NHS: variants seen among roughly 807,000 people sequenced by gnomAD.
NHS encodes the protein NHS actin remodeling regulator.
In NHS, 5 loss-of-function variants were observed where a neutral mutation model predicts 72.5. That is an observed-to-expected ratio of 0.07 (90% CI 0.04 to 0.14). The LOEUF (loss-of-function observed/expected upper bound fraction) is 0.14. Ranked by LOEUF, NHS falls within the 10% of genes least tolerant of loss-of-function variation. The pLI, the probability that NHS is intolerant of heterozygous loss-of-function variation, is 1.00. For synonymous variants in NHS, 464 were observed against 547.7 expected, an observed-to-expected ratio of 0.85 and a Z score of 2.13; for missense variants, 1,072 against 1,355.7, an observed-to-expected ratio of 0.79 and a Z score of 3.29.
chrX:17,701,547 C>T (rs898728762), intron 3 of NHS, among the ~76,000 whole-genome samples: 1 of 111,443 alleles, frequency 9.0e-6, no homozygotes, highest in African/African-American at 3.3e-5. Context: ...AATAAATTGG[C>T]ACTTCACCCA....
intron 1 of NHS, among the ~76,000 whole-genome samples, chrX:17,637,006 T>C (rs1176051594): frequency 8.9e-6 from 1 of 112,016 alleles, no homozygotes; most frequent in Non-Finnish European, 1.9e-5. Flanking sequence ...TCAGAATCTC[T>C]GGGAGTGGGT....
intron 1 of NHS, among the ~76,000 whole-genome samples, chrX:17,663,265 T>C (rs957876820): frequency 9.0e-6 from 1 of 111,640 alleles, no homozygotes; most frequent in African/African-American, 3.3e-5. Context: ...TACAGTTGAG[T>C]TATGCATAAG....
intron 1 of NHS, among the ~76,000 whole-genome samples, chrX:17,376,682 C>T (rs766819196): frequency 8.9e-6 from 1 of 112,575 alleles, no homozygotes; most frequent in African/African-American, 3.2e-5. Context: ...ACGTCCTTCA[C>T]GGGGCGTAGG....
At chrX:17,600,738 G>T (rs1391710209) in intron 1 of NHS, among the ~76,000 whole-genome samples, 1 of 110,907 alleles carries the variant, frequency 9.0e-6, no homozygotes, top group Non-Finnish European at 1.9e-5. Context: ...ATGGTGAGTG[G>T]GGGAGGGAGG....
chrX:17,514,200 A>T (rs1183980192), intron 1 of NHS, among the ~76,000 whole-genome samples: 1 of 112,527 alleles, frequency 8.9e-6, no homozygotes, highest in Non-Finnish European at 1.9e-5. Context: ...GACAAAGCCA[A>T]ACCAAATCAG....
At chrX:17,418,276 C>T (rs1189779597) in intron 1 of NHS, among the ~76,000 whole-genome samples, 1 of 111,679 alleles carries the variant, frequency 9.0e-6, no homozygotes, top group Non-Finnish European at 1.9e-5. Flanking sequence ...CAAGATGGTG[C>T]ATTCAGAGAA....
At chrX:17,636,707 ACT>A (rs1215577144) in intron 1 of NHS, among the ~76,000 whole-genome samples, 1 of 111,300 alleles carries the variant, frequency 9.0e-6, no homozygotes, top group Non-Finnish European at 1.9e-5. Context: ...GTCTGAGAAC[ACT>A]CTCTCTGAGC....
intron 1 of NHS, among the ~76,000 whole-genome samples, chrX:17,515,740 C>T (rs181040329): frequency 1.9e-4 from 21 of 111,962 alleles, no homozygotes; most frequent in African/African-American, 6.5e-4. Context: ...TTATTTTGCT[C>T]ATTCAATTCT....
intron 4 of NHS, among the ~76,000 whole-genome samples, chrX:17,720,417 G>A (rs750565796): frequency 2.7e-5 from 3 of 112,046 alleles, no homozygotes; most frequent in Non-Finnish European, 3.8e-5. Context: ...GTCTTACTGG[G>A]ATAACAGCAA....
chrX:17,599,898 C>T (rs185999755), intron 1 of NHS, among the ~76,000 whole-genome samples: 3 of 110,899 alleles, frequency 2.7e-5, no homozygotes, highest in Non-Finnish European at 3.8e-5. Flanking sequence ...TCTTGTGCCC[C>T]TCCCCACACT....
At chrX:17,431,231 T>G (rs1049854376) in intron 1 of NHS, among the ~76,000 whole-genome samples, 4 of 111,779 alleles carry the variant, frequency 3.6e-5, no homozygotes, top group Non-Finnish European at 7.5e-5. Context: ...CAGAGACTAC[T>G]GGCCCTCCTG....
chrX:17,481,228 C>A (rs778022066), intron 1 of NHS, among the ~76,000 whole-genome samples: 9 of 111,913 alleles, frequency 8.0e-5, no homozygotes, highest in African/African-American at 2.9e-4. Flanking sequence ...AAGGCGGTGT[C>A]CGTAACTTTC....
intron 1 of NHS, among the ~76,000 whole-genome samples, chrX:17,411,470 A>G (rs2064557849): frequency 9.0e-6 from 1 of 111,522 alleles, no homozygotes; most frequent in South Asian, 3.8e-4. Context: ...GTATAACCCA[A>G]TCCTTGCTAC....
chrX:17,426,598 C>G (rs766687457), intron 1 of NHS, among the ~76,000 whole-genome samples: 1 of 112,345 alleles, frequency 8.9e-6, no homozygotes, highest in African/African-American at 3.2e-5. Context: ...CTTCGACATT[C>G]TGCAATTTGA....
In NHS at chrX:17,673,177, A is replaced by AACACACAC. The variant is rs56271300; in HGVS notation, c.566-14511_566-14504dup. On this transcript the variant is annotated intron_variant, in intron 1 of 8. Transcript: ENST00000676302. ...AGACCATTGCTTAGCTGGAAGATGA[A>AACACACAC]ACACACACACACACACACACACACA... Among the ~76,000 whole-genome samples the AACACACAC allele has an allele frequency of 3.9e-3, 254 of 65,514 alleles. 2 individuals carry two copies. Among genetic ancestry groups the AACACACAC allele is most frequent in the South Asian group, 8.3e-3 (7 of 843 alleles). The allele number at this position is 65,514 out of a possible 115,157, so 56.9% of individuals were successfully genotyped here.
At chrX:17,691,274 T>C (rs1368562859) in intron 2 of NHS, among the ~76,000 whole-genome samples, 1 of 112,242 alleles carries the variant, frequency 8.9e-6, no homozygotes, top group African/African-American at 3.2e-5. Flanking sequence ...CACTTTTCCT[T>C]GTGTTACCCA....
In NHS at chrX:17,692,392, C is replaced by T. The variant is rs2066202681; in HGVS notation, c.776C>T (p.Ala259Val). Residue 259 changes from alanine to valine, a missense_variant, in exon 3 of 9, where the codon GCA (alanine) becomes GTA (valine). Coordinates refer to ENST00000676302, the MANE Select transcript of NHS (RefSeq NM_001291867.2). ...AGAGCAGCTGCCCCCCTTTCCATTG[C>T]AGCTCCTCCACTGCCAGCCTACCCT... Reference protein sequence around the residue: ...EQRAAAPLSIAAPPLPAYPPA... With the variant: ...EQRAAAPLSIVAPPLPAYPPA... The T allele has an allele frequency of 8.3e-7, 1 of 1,207,915 alleles. No individual in the cohort carries two copies. Among genetic ancestry groups the T allele is most frequent in the Admixed American group, 2.2e-5 (1 of 45,509 alleles).
chrX:17,522,519 C>G (rs1170172272), intron 1 of NHS, among the ~76,000 whole-genome samples: 8 of 97,754 alleles, frequency 8.2e-5, no homozygotes, highest in Non-Finnish European at 1.2e-4. Flanking sequence ...CCCATCCCCC[C>G]CATCCGGAAG....
At chrX:17,467,847 A>G (rs953068711) in intron 1 of NHS, among the ~76,000 whole-genome samples, 17 of 112,160 alleles carry the variant, frequency 1.5e-4, no homozygotes, top group East Asian at 8.3e-4. Context: ...AAGACATTAT[A>G]TAATTGATAA....
Sources: gnomAD v4.1 joint callset for allele counts (sites outside exome capture counted in the v4.1 genomes callset) on GRCh38, gnomAD v4.1.1 for gene constraint, MANE v1.5 for transcripts, NCBI Gene and HGNC (gene_info 2026-07-23, HGNC 2026-07-21) for gene names.